RABL3: variants seen among roughly 807,000 people sequenced by gnomAD.
RABL3 encodes the protein RAB, member of RAS oncogene family like 3.
In RABL3, 31 loss-of-function variants were observed where a neutral mutation model predicts 31.8. The ratio of observed to expected loss-of-function variants is 0.97; its 90% CI spans 0.73 to 1.31. The LOEUF is 1.31. Among genes scored for constraint, RABL3 ranks in the 40% most tolerant of loss-of-function variants. RABL3 has a pLI of 0.00. For missense variants in RABL3, 263 were observed against 279.6 expected (o/e 0.94, Z 0.42); for synonymous variants, 97 against 99.9 (o/e 0.97, Z 0.18).
At chr3:120,692,717 C>T (rs1367592759) in intron 6 of RABL3, among the ~76,000 whole-genome samples, 2 of 152,154 alleles carry the variant, frequency 1.3e-5, no homozygotes, top group African/African-American at 4.8e-5. Context: ...ATGTGTACTC[C>T]TGATTTTTTA....
At chr3:120,691,458 T>C (rs1317273675) in intron 6 of RABL3, among the ~76,000 whole-genome samples, 3 of 152,114 alleles carry the variant, frequency 2.0e-5, no homozygotes, top group African/African-American at 7.2e-5. Flanking sequence ...CAGTATAGTA[T>C]TCAATAAATT....
At chr3:120,722,150 T>C (rs910250005) in intron 2 of RABL3, 6 of 152,160 alleles carry the variant, frequency 3.9e-5, no homozygotes, top group African/African-American at 1.4e-4. Flanking sequence ...TGTAGGCTCA[T>C]TCATCTCCTT....
At chr3:120,726,283 T>C (rs975494184) in intron 2 of RABL3, among the ~76,000 whole-genome samples, 3 of 152,136 alleles carry the variant, frequency 2.0e-5, no homozygotes, top group Non-Finnish European at 2.9e-5. Context: ...AAAAAAAACC[T>C]CTTTATTTCA....
chr3:120,742,606 G>T, upstream of RABL3: 6 of 1,167,104 alleles, frequency 5.1e-6, no homozygotes, highest in South Asian at 5.0e-5. Context: ...TGGCCACTCG[G>T]AGCGTGACTG....
At chr3:120,725,278 A>C (rs1048631326) in intron 2 of RABL3, among the ~76,000 whole-genome samples, 6 of 152,222 alleles carry the variant, frequency 3.9e-5, no homozygotes, top group African/African-American at 1.2e-4. Context: ...AATGGCAATC[A>C]TTAAAAAGTC....
rs529880918 is a variant in RABL3, at chr3:120,739,372, G to A, written c.46+3090C>T. Among the ~76,000 whole-genome samples, 102 of 152,180 alleles carry A rather than the reference G, an allele frequency of 6.7e-4. 1 individual carries two copies. Among genetic ancestry groups the A allele is most frequent in the African/African-American group, 2.3e-3 (96 of 41,516 alleles). On this transcript the variant is annotated intron_variant, in intron 1 of 7. Transcript: ENST00000273375. ...AGCCTGGGTGACAGAGCAACAATCC[G>A]TCTCGGTGGTGGCGGGCAGTGGGGG...
intron 2 of RABL3, among the ~76,000 whole-genome samples, chr3:120,712,414 G>C (rs1403922664): frequency 3.3e-5 from 5 of 152,136 alleles, no homozygotes; most frequent in Admixed American, 3.3e-4. Context: ...AAACCAAGCA[G>C]AAAAAACATA....
At chr3:120,735,756 A>G (rs1268706432) in intron 1 of RABL3, among the ~76,000 whole-genome samples, 1 of 152,040 alleles carries the variant, frequency 6.6e-6, no homozygotes, top group African/African-American at 2.4e-5. Context: ...CTTTGTTCCC[A>G]TTGGTTTCAA....
chr3:120,730,935 A>G, intron 1 of RABL3, 148 bp from the exon 2 acceptor site: 1 of 638,224 alleles, frequency 1.6e-6, no homozygotes, highest in Non-Finnish European at 2.8e-6. Flanking sequence ...CACTGAATAA[A>G]ATGAAGATGG....
At chr3:120,719,708 G>A (rs1468267898) in intron 2 of RABL3, among the ~76,000 whole-genome samples, 1 of 152,192 alleles carries the variant, frequency 6.6e-6, no homozygotes, top group Non-Finnish European at 1.5e-5. Context: ...CAGGAAGCTC[G>A]AACTGGGTGG....
chr3:120,732,542 T>C (rs1708898122), intron 1 of RABL3, among the ~76,000 whole-genome samples: 1 of 152,068 alleles, frequency 6.6e-6, no homozygotes, highest in Admixed American at 6.5e-5. Flanking sequence ...TAAAGAAATA[T>C]GTTTTATTTT....
intron 5 of RABL3, 91 bp downstream of exon 5, chr3:120,698,332 G>A: frequency 8.1e-7 from 1 of 1,235,502 alleles, no homozygotes; most frequent in Non-Finnish European, 1.1e-6. Flanking sequence ...CAAGTATAAA[G>A]CTTCTTTCAC....
chr3:120,737,458 A>G (rs1159966169), intron 1 of RABL3, among the ~76,000 whole-genome samples: 1 of 152,148 alleles, frequency 6.6e-6, no homozygotes, highest in East Asian at 1.9e-4. Context: ...CTTCTTTGCA[A>G]TGGGTTTGAA....
intron 4 of RABL3, among the ~76,000 whole-genome samples, chr3:120,700,826 G>A (rs111467306): frequency 0.28 from 41,937 of 151,850 alleles, 6,275 homozygotes; most frequent in Non-Finnish European, 0.33. Flanking sequence ...ACTAGGCAAC[G>A]GGTATATGGG....
At chr3:120,706,153 A>T in intron 3 of RABL3, 39 bp from the exon 4 acceptor site, 3 of 1,275,984 alleles carry the variant, frequency 2.4e-6, no homozygotes, top group Non-Finnish European at 3.4e-6. Context: ...TCCCTTAACA[A>T]TTCCTCTTCA....
chr3:120,719,616 T>G (rs1372871217), intron 2 of RABL3, among the ~76,000 whole-genome samples: 1 of 152,202 alleles, frequency 6.6e-6, no homozygotes, highest in Admixed American at 6.5e-5. Context: ...CACAGCAGTC[T>G]GAGAGCAAAC....
chr3:120,684,969 T>C lies in RABL3; in HGVS notation c.*4854A>G, dbSNP rs1053482379. ...TTCTATGTCTAATGGCTTTCCATTT[T>C]AATTAATGTAATTATACATTCATTT... On this transcript the variant is annotated 3_prime_UTR_variant, in exon 8 of 8. Coordinates refer to ENST00000273375, the MANE Select transcript of RABL3 (RefSeq NM_173825.5). Among the ~76,000 whole-genome samples, 5 of 152,266 alleles carry C rather than the reference T, an allele frequency of 3.3e-5. No individual in the cohort carries two copies. Among genetic ancestry groups the C allele is most frequent in the African/African-American group, 1.2e-4 (5 of 41,468 alleles).
intron 4 of RABL3, among the ~76,000 whole-genome samples, chr3:120,703,196 A>G (rs1393104185): frequency 2.0e-5 from 3 of 152,210 alleles, no homozygotes; most frequent in African/African-American, 7.2e-5. Context: ...CACCCAGGTC[A>G]CATACCGGGT....
chr3:120,723,700 CAT>C (rs1389548292), intron 2 of RABL3, among the ~76,000 whole-genome samples: 12 of 152,210 alleles, frequency 7.9e-5, no homozygotes, highest in Non-Finnish European at 1.5e-4. Context: ...ACAAAAATCA[CAT>C]GATTATGTCA....
Sources: allele counts gnomAD v4.1 joint callset (sites outside exome capture counted in the v4.1 genomes callset), GRCh38; gene constraint gnomAD v4.1.1; transcripts MANE v1.5; gene names NCBI Gene and HGNC (gene_info 2026-07-23, HGNC 2026-07-21).